The following KAZN variants were observed in gnomAD, a reference collection of about 807,000 sequenced individuals.
The protein encoded by KAZN is kazrin.
KAZN carries 40 observed loss-of-function variants against 87.4 expected under a neutral mutation model. That is an observed-to-expected ratio of 0.46 (90% CI 0.36 to 0.60). The LOEUF (loss-of-function observed/expected upper bound fraction) is 0.60. KAZN is among the 20% of genes least tolerant of loss of function. The pLI, the probability that KAZN is intolerant of heterozygous loss-of-function variation, is 0.00. For missense variants in KAZN, 898 were observed against 1,073.9 expected (o/e 0.84, Z 2.29); for synonymous variants, 466 against 458.3 (o/e 1.02, Z -0.22).
intron 1 of KAZN, among the ~76,000 whole-genome samples, chr1:14,706,636 AT>A (rs758197663): frequency 5.3e-5 from 8 of 152,134 alleles, no homozygotes; most frequent in Non-Finnish European, 1.2e-4. Context: ...AAATTAAATT[AT>A]TTTTTAAAAG....
intron 1 of KAZN, among the ~76,000 whole-genome samples, chr1:14,849,879 C>G (rs1386199240): frequency 6.6e-6 from 1 of 151,958 alleles, no homozygotes; most frequent in African/African-American, 2.4e-5. Context: ...TTCTGGAAGC[C>G]ACTAAATCAA....
chr1:14,530,324 G>A (rs1258659918), intron 2 of KAZN, among the ~76,000 whole-genome samples: 1 of 152,214 alleles, frequency 6.6e-6, no homozygotes, highest in Non-Finnish European at 1.5e-5. Context: ...CTAACAGGGA[G>A]GGTGTAGGTT....
chr1:14,417,268 C>T (rs1664871565), intron 2 of KAZN, among the ~76,000 whole-genome samples: 1 of 152,080 alleles, frequency 6.6e-6, no homozygotes, highest in Admixed American at 6.5e-5. Context: ...AATCACACTT[C>T]ACCATTAAGA....
intron 1 of KAZN, among the ~76,000 whole-genome samples, chr1:14,674,463 G>GTGGCT (rs1640098076): frequency 6.6e-6 from 1 of 152,210 alleles, no homozygotes; most frequent in Non-Finnish European, 1.5e-5. Flanking sequence ...TGAGTGCTTA[G>GTGGCT]TGGCTTACAC....
chr1:14,049,808 A>AG lies in KAZN; in HGVS notation c.92-130624dup, dbSNP rs557724640. ...GAAACCAGACAGTGCCCTTGCTCTC[A>AG]GGGAGCTCTCATGATAGACAAGAAG... On this transcript the variant is annotated intron_variant, in intron 1 of 16. Transcript: ENST00000636203. Among the ~76,000 whole-genome samples, 225 of 152,320 alleles carry AG rather than the reference A, an allele frequency of 1.5e-3. 2 individuals are homozygous for AG. The highest frequency in any genetic ancestry group is 5.1e-3 in the African/African-American group (213 of 41,576).
chr1:14,502,424 A>G (rs1010662844), intron 2 of KAZN, among the ~76,000 whole-genome samples: 2 of 152,210 alleles, frequency 1.3e-5, no homozygotes, highest in Non-Finnish European at 2.9e-5. Context: ...ACAATCCAGC[A>G]TATATGCATT....
intron 2 of KAZN, among the ~76,000 whole-genome samples, chr1:14,503,896 A>G (rs1227983796): frequency 2.6e-5 from 4 of 152,116 alleles, no homozygotes; most frequent in Non-Finnish European, 5.9e-5. Context: ...TGATCACATC[A>G]TGGTATCTAA....
intron 1 of KAZN, among the ~76,000 whole-genome samples, chr1:13,998,292 G>A (rs1414498093): frequency 2.6e-5 from 4 of 152,238 alleles, no homozygotes; most frequent in South Asian, 2.1e-4. Context: ...AAAGACCAAC[G>A]ACACTATGAA....
At chr1:14,096,211 A>T (rs1473677655) in intron 1 of KAZN, among the ~76,000 whole-genome samples, 1 of 152,240 alleles carries the variant, frequency 6.6e-6, no homozygotes, top group African/African-American at 2.4e-5. Flanking sequence ...TAAAAGATGA[A>T]GTTGCCTTCA....
intron 1 of KAZN, among the ~76,000 whole-genome samples, chr1:14,635,530 A>C (rs1009284228): frequency 9.2e-5 from 14 of 151,792 alleles, no homozygotes; most frequent in African/African-American, 3.4e-4. Flanking sequence ...CTGCTGTTCT[A>C]CCTCTGTACT....
At chr1:14,678,305 G>A (rs185788433) in intron 1 of KAZN, among the ~76,000 whole-genome samples, 25 of 152,298 alleles carry the variant, frequency 1.6e-4, no homozygotes, top group Non-Finnish European at 2.4e-4. Flanking sequence ...TCTTTCTCCC[G>A]TACTGGAGGC....
At chr1:14,118,289 G>A (rs911897875) in intron 1 of KAZN, among the ~76,000 whole-genome samples, 7 of 151,804 alleles carry the variant, frequency 4.6e-5, no homozygotes, top group African/African-American at 1.7e-4. Flanking sequence ...CTATCAGTAG[G>A]GGCCAAGGCT....
At chr1:14,381,226 G>A (rs545756285) in intron 2 of KAZN, among the ~76,000 whole-genome samples, 1 of 152,264 alleles carries the variant, frequency 6.6e-6, no homozygotes, top group East Asian at 1.9e-4. Flanking sequence ...ACATATATGT[G>A]CACCCAACAC....
intron 3 of KAZN, among the ~76,000 whole-genome samples, chr1:15,036,320 G>GCTCCC (rs1379116282): frequency 1.9e-4 from 4 of 21,010 alleles, no homozygotes; most frequent in African/African-American, 8.0e-4. Flanking sequence ...CCTCTGCCTA[G>GCTCCC]CCTGCCCCGC....
intron 1 of KAZN, among the ~76,000 whole-genome samples, chr1:13,914,569 G>C (rs1194986004): frequency 6.6e-6 from 1 of 152,170 alleles, no homozygotes; most frequent in East Asian, 1.9e-4. Flanking sequence ...TGAGTACAGG[G>C]TATTCCATTA....
intron 1 of KAZN, among the ~76,000 whole-genome samples, chr1:13,986,953 G>T (rs1174314564): frequency 6.6e-6 from 1 of 152,190 alleles, no homozygotes; most frequent in African/African-American, 2.4e-5. Context: ...TTGCCTGAGT[G>T]TAGGTTACAT....
chr1:14,075,861 C>T (rs1643436582), intron 1 of KAZN, among the ~76,000 whole-genome samples: 1 of 152,122 alleles, frequency 6.6e-6, no homozygotes, highest in Non-Finnish European at 1.5e-5. Flanking sequence ...GAATGGTGTT[C>T]CCGTCCCCCC....
At chr1:14,334,995 T>A (rs1657130545) in intron 2 of KAZN, among the ~76,000 whole-genome samples, 1 of 151,752 alleles carries the variant, frequency 6.6e-6, no homozygotes, top group Admixed American at 6.6e-5. Flanking sequence ...ACTGATATGG[T>A]TTAGGTGTTT....
intron 1 of KAZN, among the ~76,000 whole-genome samples, chr1:14,896,041 C>CTTTTTTTTTTTTTT (rs201188620): frequency 6.4e-5 from 9 of 140,752 alleles, no homozygotes; most frequent in African/African-American, 2.2e-4. Flanking sequence ...AAAAAGACGC[C>CTTTTTTTTTTTTTT]TTTTTTTTTT....
Sources: allele counts gnomAD v4.1 joint callset (sites outside exome capture counted in the v4.1 genomes callset), GRCh38; gene constraint gnomAD v4.1.1; transcripts MANE v1.5; gene names NCBI Gene and HGNC (gene_info 2026-07-23, HGNC 2026-07-21).